DOCK3: variants seen among roughly 807,000 people sequenced by gnomAD.
DOCK3 encodes dedicator of cytokinesis 3.
A neutral mutation model predicts 265.6 loss-of-function variants in DOCK3; 60 were observed. The ratio of observed to expected loss-of-function variants is 0.23; its 90% CI spans 0.18 to 0.28. The LOEUF (loss-of-function observed/expected upper bound fraction) is 0.28. DOCK3 is among the 10% of genes least tolerant of loss of function. The probability of loss-of-function intolerance (pLI) is 1.00; values close to 1 mark genes in which losing one functional copy is unlikely to be tolerated. For missense variants in DOCK3, 1,981 were observed against 2,594.3 expected (o/e 0.76, Z 5.14); for synonymous variants, 881 against 938.0 (o/e 0.94, Z 1.11).
rs1024362494 is a variant in DOCK3 at position 51,296,518 on chromosome 3, C to T, written c.2923-13714C>T. 3.3e-5 allele frequency among the ~76,000 whole-genome samples: 5 copies of T among 150,762 alleles called. No homozygotes were observed. In the South Asian group the frequency reaches 6.3e-4, roughly 19 times the overall value. ...TTGAGATGGAGTCTTGCTCTGTTGC[C>T]TGGGCTGGAGTGCAGTGGCGCGATC... On this transcript the variant is annotated intron_variant, in intron 27 of 52. Coordinates refer to ENST00000266037, the MANE Select transcript of DOCK3 (RefSeq NM_004947.5).
At chr3:51,364,308 T>G (rs565856385) in intron 49 of DOCK3, among the ~76,000 whole-genome samples, 1 of 152,372 alleles carries the variant, frequency 6.6e-6, no homozygotes, top group South Asian at 2.1e-4. Context: ...TCTGTTCATA[T>G]CCTTTGCCCA....
At chr3:50,935,610 C>G (rs1173700824) in intron 5 of DOCK3, among the ~76,000 whole-genome samples, 3 of 152,206 alleles carry the variant, frequency 2.0e-5, no homozygotes, top group African/African-American at 4.8e-5. Flanking sequence ...CCTCCCTTCC[C>G]CGCTGCATTG....
At chr3:51,291,941 A>G (rs1402011963) in intron 27 of DOCK3, among the ~76,000 whole-genome samples, 2 of 152,262 alleles carry the variant, frequency 1.3e-5, no homozygotes, top group Admixed American at 1.3e-4. Context: ...GGTTGGTTCA[A>G]CATACTCAGA....
intron 35 of DOCK3, among the ~76,000 whole-genome samples, chr3:51,336,673 C>T (rs1358006576): frequency 2.6e-5 from 4 of 152,080 alleles, no homozygotes; most frequent in Admixed American, 2.6e-4. Context: ...TGCAGAGGTA[C>T]ACAAAAAAAG....
At chr3:50,920,382 C>G (rs1053713568) in intron 4 of DOCK3, among the ~76,000 whole-genome samples, 1 of 152,032 alleles carries the variant, frequency 6.6e-6, no homozygotes, top group Non-Finnish European at 1.5e-5. Flanking sequence ...TGGTCCTGGA[C>G]TTTTTTTGGT....
chr3:51,047,745 A>C (rs2080833279), intron 5 of DOCK3, among the ~76,000 whole-genome samples: 4 of 152,212 alleles, frequency 2.6e-5, no homozygotes, highest in Non-Finnish European at 5.9e-5. Context: ...TTGAATTAGT[A>C]ATCAAAAATC....
chr3:50,981,050 A>T (rs2077671263), intron 5 of DOCK3, among the ~76,000 whole-genome samples: 1 of 151,966 alleles, frequency 6.6e-6, no homozygotes, highest in Non-Finnish European at 1.5e-5. Context: ...TAGGTTGTTT[A>T]TTATAAGTTA....
At chr3:51,166,083 A>C (rs2107583431) in intron 12 of DOCK3, among the ~76,000 whole-genome samples, 1 of 147,008 alleles carries the variant, frequency 6.8e-6, no homozygotes, top group Non-Finnish European at 1.5e-5. Context: ...AGAGTCTCAC[A>C]CTTGTCACCC....
chr3:51,140,265 G>A (rs4532165), intron 9 of DOCK3, among the ~76,000 whole-genome samples: 138,720 of 152,160 alleles, frequency 0.91, 63,383 homozygotes, highest in African/African-American at 0.95. Context: ...ATTTCCTCCA[G>A]ACCCCCAGCC....
chr3:50,779,970 A>G (rs1359632188), intron 2 of DOCK3, among the ~76,000 whole-genome samples: 1 of 152,240 alleles, frequency 6.6e-6, no homozygotes, highest in Non-Finnish European at 1.5e-5. Flanking sequence ...GTGTGGGTAT[A>G]GAGCCAATGT....
intron 6 of DOCK3, among the ~76,000 whole-genome samples, chr3:51,066,823 CTTTG>C (rs1212452830): frequency 1.3e-5 from 2 of 152,112 alleles, no homozygotes; most frequent in Non-Finnish European, 1.5e-5. Flanking sequence ...AACTTTATAT[CTTTG>C]TTTGTTTTGT....
At chr3:50,912,804 C>T (rs1310982902) in intron 4 of DOCK3, among the ~76,000 whole-genome samples, 6 of 151,976 alleles carry the variant, frequency 3.9e-5, no homozygotes, top group East Asian at 1.9e-4. Context: ...CCAGAGTCAG[C>T]GTGCAGTGAA....
At chr3:51,176,245 C>T (rs776586721) in intron 12 of DOCK3, among the ~76,000 whole-genome samples, 3 of 152,086 alleles carry the variant, frequency 2.0e-5, no homozygotes, top group African/African-American at 7.2e-5. Context: ...TATTTTCTGC[C>T]GTAGGATTGG....
At chr3:50,893,054 G>T (rs1013423632) in intron 4 of DOCK3, among the ~76,000 whole-genome samples, 1 of 152,034 alleles carries the variant, frequency 6.6e-6, no homozygotes, top group Non-Finnish European at 1.5e-5. Flanking sequence ...AATGAAGTGC[G>T]TACATTCATA....
chr3:51,121,342 G>A (rs2084008148), intron 9 of DOCK3, among the ~76,000 whole-genome samples: 1 of 152,168 alleles, frequency 6.6e-6, no homozygotes, highest in Admixed American at 6.5e-5. Flanking sequence ...ACCAGTCCCA[G>A]TGAGATGAAC....
At chr3:51,053,882 A>G (rs961936615) in intron 5 of DOCK3, among the ~76,000 whole-genome samples, 1 of 151,988 alleles carries the variant, frequency 6.6e-6, no homozygotes. Flanking sequence ...TTTGTTTTCT[A>G]TGTTTCAATC....
At chr3:50,963,445 A>G (rs748135433) in intron 5 of DOCK3, among the ~76,000 whole-genome samples, 2 of 152,192 alleles carry the variant, frequency 1.3e-5, no homozygotes, top group South Asian at 2.1e-4. Flanking sequence ...AAAATATTCA[A>G]ATTGAATCCA....
chr3:50,908,161 C>G (rs1017631410), intron 4 of DOCK3, among the ~76,000 whole-genome samples: 6 of 139,632 alleles, frequency 4.3e-5, no homozygotes, highest in African/African-American at 1.6e-4. Context: ...AAAAAACCAT[C>G]TTCCAGATTC....
intron 9 of DOCK3, among the ~76,000 whole-genome samples, chr3:51,116,976 C>T (rs566665300): frequency 6.6e-6 from 1 of 152,264 alleles, no homozygotes; most frequent in Admixed American, 6.5e-5. Context: ...CCTTATTACC[C>T]TGGCCAGAAC....
Sources: gnomAD v4.1 joint callset for allele counts (sites outside exome capture counted in the v4.1 genomes callset) on GRCh38, gnomAD v4.1.1 for gene constraint, MANE v1.5 for transcripts, NCBI Gene and HGNC (gene_info 2026-07-23, HGNC 2026-07-21) for gene names.